The following LAMA2 variants were observed in gnomAD, a reference collection of about 807,000 sequenced individuals.
The protein encoded by LAMA2 is laminin subunit alpha 2, also known as laminin subunit alpha-2.
Under a neutral mutation model 364.8 loss-of-function variants are expected in LAMA2, and 269 were observed. The ratio of observed to expected loss-of-function variants is 0.74; its 90% CI spans 0.67 to 0.82. LAMA2 has a LOEUF of 0.82. Among genes scored for constraint, LAMA2 ranks in the 40% least tolerant of loss-of-function variants. LAMA2 has a pLI of 0.00. For missense variants in LAMA2, 3,807 were observed against 3,873.2 expected (o/e 0.98, Z 0.45); for synonymous variants, 1,379 against 1,370.6 (o/e 1.01, Z -0.14).
intron 32 of LAMA2, 152 bp from the exon 33 acceptor site, chr6:129,366,067 A>T: frequency 1.2e-6 from 1 of 815,370 alleles, no homozygotes; most frequent in Non-Finnish European, 2.0e-6. Flanking sequence ...CTCAACCATC[A>T]TCCATTTGAT....
intron 1 of LAMA2, among the ~76,000 whole-genome samples, chr6:128,942,318 A>G (rs575960095): frequency 1.3e-5 from 2 of 152,296 alleles, no homozygotes; most frequent in African/African-American, 4.8e-5. Flanking sequence ...ATAACAGTAC[A>G]TCACCAGATC....
At chr6:129,290,776 C>T (rs116996216) in intron 19 of LAMA2, among the ~76,000 whole-genome samples, 72 of 152,206 alleles carry the variant, frequency 4.7e-4, no homozygotes, top group Admixed American at 3.2e-3. Context: ...ATTTACTCTA[C>T]GTTTTAGAAT....
At chr6:129,146,135 A>G (rs2114962488) in intron 5 of LAMA2, among the ~76,000 whole-genome samples, 1 of 152,090 alleles carries the variant, frequency 6.6e-6, no homozygotes. Flanking sequence ...ATATGTGTCC[A>G]CCTACATATT....
intron 4 of LAMA2, among the ~76,000 whole-genome samples, chr6:129,115,894 C>T (rs1182091765): frequency 6.6e-6 from 1 of 152,120 alleles, no homozygotes; most frequent in Non-Finnish European, 1.5e-5. Context: ...TAATAAATGA[C>T]AGCTGTTATT....
At chr6:129,448,786 G>A (rs964773672) in intron 45 of LAMA2, among the ~76,000 whole-genome samples, 1 of 152,176 alleles carries the variant, frequency 6.6e-6, no homozygotes, top group Non-Finnish European at 1.5e-5. Flanking sequence ...TTCTTTAGAT[G>A]TCTTACTAAG....
At chr6:129,427,991 A>T (rs1339072470) in intron 41 of LAMA2, 137 bp downstream of exon 41, 3 of 687,284 alleles carry the variant, frequency 4.4e-6, no homozygotes, top group Non-Finnish European at 7.7e-6. Flanking sequence ...AATGCAAGTA[A>T]ACTTTCTCAC....
intron 1 of LAMA2, among the ~76,000 whole-genome samples, chr6:128,919,608 A>G (rs1049370619): frequency 6.6e-6 from 1 of 152,224 alleles, no homozygotes; most frequent in Non-Finnish European, 1.5e-5. Context: ...TCTCACAACT[A>G]GAAATCATCA....
chr6:129,493,020 C>A (rs189079529), intron 58 of LAMA2, among the ~76,000 whole-genome samples: 1 of 152,062 alleles, frequency 6.6e-6, no homozygotes, highest in African/African-American at 2.4e-5. Context: ...CCTGGCATGG[C>A]GGTGTGCACC....
intron 9 of LAMA2, among the ~76,000 whole-genome samples, chr6:129,171,351 C>T (rs1780140620): frequency 6.6e-6 from 1 of 152,110 alleles, no homozygotes; most frequent in Admixed American, 6.5e-5. Context: ...CCTTCAGGAG[C>T]TCTTTTAGGG....
chr6:129,357,277 C>G (rs1583566588), intron 32 of LAMA2, among the ~76,000 whole-genome samples: 1 of 151,876 alleles, frequency 6.6e-6, no homozygotes, highest in Non-Finnish European at 1.5e-5. Context: ...ACAGAATAAC[C>G]CATGTGATGT....
intron 17 of LAMA2, among the ~76,000 whole-genome samples, chr6:129,275,838 A>G (rs1194045409): frequency 6.6e-6 from 1 of 152,064 alleles, no homozygotes; most frequent in African/African-American, 2.4e-5. Context: ...CAAATCAATC[A>G]TATTATTCCA....
At chr6:129,081,496 T>C (rs1774055536) in intron 3 of LAMA2, among the ~76,000 whole-genome samples, 1 of 152,230 alleles carries the variant, frequency 6.6e-6, no homozygotes, top group Non-Finnish European at 1.5e-5. Context: ...TATTCATTGG[T>C]CAATTTAAGT....
intron 1 of LAMA2, among the ~76,000 whole-genome samples, chr6:128,898,172 A>G (rs183159036): frequency 1.6e-3 from 242 of 152,340 alleles, no homozygotes; most frequent in African/African-American, 5.6e-3. Context: ...GCTTTAACTT[A>G]AAAGATCTAG....
intron 9 of LAMA2, among the ~76,000 whole-genome samples, chr6:129,170,098 C>A (rs1780033618): frequency 6.6e-6 from 1 of 151,206 alleles, no homozygotes; most frequent in Admixed American, 6.6e-5. Context: ...TTTTGTTGAC[C>A]CTTTCAAAAA....
At chr6:129,086,103 T>G (rs1774368298) in intron 3 of LAMA2, among the ~76,000 whole-genome samples, 1 of 152,236 alleles carries the variant, frequency 6.6e-6, no homozygotes, top group Admixed American at 6.5e-5. Context: ...GACAAACTGT[T>G]GGCGGAATGC....
chr6:129,160,468 T>C (rs983501694), intron 8 of LAMA2, among the ~76,000 whole-genome samples: 1 of 152,094 alleles, frequency 6.6e-6, no homozygotes, highest in Non-Finnish European at 1.5e-5. Context: ...GATTAAGTTG[T>C]GCTTTTCTCC....
chr6:129,296,974 TAGATA>T lies in LAMA2; in HGVS notation c.2857-707_2857-703del, dbSNP rs1380942288. On this transcript the variant is annotated intron_variant, in intron 20 of 64. Coordinates refer to ENST00000421865, the MANE Select transcript of LAMA2 (RefSeq NM_000426.4). Reference sequence around the variant, plus strand: ...ACCGTAAAAGATGATTTGTTATAGATAGATAAGAGATATGCATATGAATAACTCAT... The same window carrying T: ...ACCGTAAAAGATGATTTGTTATAGATAGAGATATGCATATGAATAACTCAT... Among the ~76,000 whole-genome samples the T allele has an allele frequency of 4.6e-5, 7 of 152,280 alleles. No individual in the cohort carries two copies. The East Asian group carries it at 1.4e-3, about 29-fold the overall frequency.
At chr6:129,351,370 G>C (rs773724904) in intron 31 of LAMA2, among the ~76,000 whole-genome samples, 2 of 152,170 alleles carry the variant, frequency 1.3e-5, no homozygotes, top group Non-Finnish European at 2.9e-5. Flanking sequence ...CTGTCAGTTT[G>C]TGTAGCATAG....
intron 12 of LAMA2, among the ~76,000 whole-genome samples, chr6:129,245,888 T>TA (rs1487193976): frequency 6.6e-6 from 1 of 152,094 alleles, no homozygotes; most frequent in Non-Finnish European, 1.5e-5. Flanking sequence ...AATGGATAAA[T>TA]ATAAAAAGAG....
Sources: gnomAD v4.1 joint callset for allele counts (sites outside exome capture counted in the v4.1 genomes callset) on GRCh38, gnomAD v4.1.1 for gene constraint, MANE v1.5 for transcripts, NCBI Gene and HGNC (gene_info 2026-07-23, HGNC 2026-07-21) for gene names.